The following CPNE8 variants were observed in gnomAD, a reference collection of about 807,000 sequenced individuals.
The protein encoded by CPNE8 is copine 8, also known as copine-8.
In CPNE8, 45 loss-of-function variants were observed where a neutral mutation model predicts 81.5. The ratio of observed to expected loss-of-function variants is 0.55; its 90% CI spans 0.44 to 0.71. CPNE8 has a LOEUF of 0.71. Ranked by LOEUF, CPNE8 falls within the 30% of genes least tolerant of loss-of-function variation. CPNE8 has a pLI of 0.00. For missense variants in CPNE8, 594 were observed against 672.1 expected, an observed-to-expected ratio of 0.88 and a Z score of 1.28; for synonymous variants, 252 against 226.3, an observed-to-expected ratio of 1.11 and a Z score of -1.02.
chr12:38,796,360 T>G (rs147453203), intron 6 of CPNE8, among the ~76,000 whole-genome samples: 1,881 of 152,100 alleles, frequency 0.012, 13 homozygotes, highest in Non-Finnish European at 0.018. Context: ...TATAAAATAA[T>G]GCAAATTTAG....
chr12:38,658,729 A>T (rs1938883432), intron 19 of CPNE8, among the ~76,000 whole-genome samples: 1 of 152,186 alleles, frequency 6.6e-6, no homozygotes, highest in Non-Finnish European at 1.5e-5. Context: ...GCCAGAAGAG[A>T]GTGGGGACCA....
intron 6 of CPNE8, among the ~76,000 whole-genome samples, chr12:38,816,179 G>C (rs1294242814): frequency 3.3e-5 from 5 of 152,096 alleles, no homozygotes; most frequent in Admixed American, 2.6e-4. Context: ...TGGGAAACAA[G>C]TGCAAAGTTA....
chr12:38,862,367 G>A (rs916070114), intron 3 of CPNE8, among the ~76,000 whole-genome samples: 13 of 152,032 alleles, frequency 8.6e-5, no homozygotes, highest in Admixed American at 8.5e-4. Flanking sequence ...TTATGGAGAA[G>A]CATGTCTTTT....
chr12:38,796,840 C>A (rs1270653296), intron 6 of CPNE8, among the ~76,000 whole-genome samples: 2 of 152,140 alleles, frequency 1.3e-5, no homozygotes, highest in Non-Finnish European at 2.9e-5. Context: ...GTCACTCCCA[C>A]CCTAATACTG....
At chr12:38,814,479 G>A (rs1942991240) in intron 6 of CPNE8, among the ~76,000 whole-genome samples, 1 of 151,716 alleles carries the variant, frequency 6.6e-6, no homozygotes, top group Non-Finnish European at 1.5e-5. Context: ...ACAATGCCCA[G>A]CTAATCTTTT....
Position 38,685,594 on chromosome 12 carries a change from G to T in CPNE8, c.1167C>A (p.Tyr389Ter). ...CCATGACCCCCTCAATGCCATCACA[G>T]TAGGGGTTTTGAGGATTCCCATTCT... is the stretch of plus-strand genomic sequence containing the variant. The part of the protein sequence containing the change: ...FALNGNPQNP[Y>*]CDGIEGVMEA... Residue 389 changes from tyrosine (Y) to a stop codon, truncating the protein, a stop_gained, in exon 16 of 20, where the codon TAC (tyrosine) becomes TAA (stop). Transcript: ENST00000331366. LOFTEE classifies it high-confidence loss of function. 6.2e-7 allele frequency: 1 copy of T among 1,613,380 alleles called. No individual in the cohort carries two copies. The highest frequency in any genetic ancestry group is 8.5e-7 in the Non-Finnish European group (1 of 1,179,548).
chr12:38,794,617 T>A (rs755648846), intron 6 of CPNE8, among the ~76,000 whole-genome samples: 4 of 150,022 alleles, frequency 2.7e-5, no homozygotes, highest in African/African-American at 4.9e-5. Flanking sequence ...CTCATAGCCA[T>A]GAGGATAACT....
chr12:38,793,428 T>C (rs1252637907), intron 6 of CPNE8, among the ~76,000 whole-genome samples: 1 of 151,872 alleles, frequency 6.6e-6, no homozygotes, highest in African/African-American at 2.4e-5. Flanking sequence ...TGTTTTTATA[T>C]ACTAACAATA....
chr12:38,783,971 C>G (rs1942112581), intron 6 of CPNE8, among the ~76,000 whole-genome samples: 1 of 152,140 alleles, frequency 6.6e-6, no homozygotes, highest in Non-Finnish European at 1.5e-5. Flanking sequence ...CAATGAACAT[C>G]TACAAGTATC....
At position 38,802,155 on chromosome 12, in the gene CPNE8, G is replaced by C. The variant is rs1332721459; in HGVS notation, c.408-25854C>G. 1.7e-4 allele frequency among the ~76,000 whole-genome samples: 5 copies of C among 28,804 alleles called. 2 individuals are homozygous for C. Among genetic ancestry groups the C allele is most frequent in the African/African-American group, 2.8e-4 (5 of 17,760 alleles). 18.9% of individuals were successfully genotyped at this position (28,804 alleles called of 152,430 possible). A position where few individuals can be genotyped will look rare whatever the true frequency, so the allele number is the denominator to read the frequency against. On this transcript the variant is annotated intron_variant, in intron 6 of 19. Coordinates refer to ENST00000331366, the MANE Select transcript of CPNE8 (RefSeq NM_153634.3). ...ATTGAACTCAGCTCTGCACCAAGCAGACCTAATAGACATCTACAGAACTCT... is the reference window on the plus strand; with the variant it reads ...ATTGAACTCAGCTCTGCACCAAGCACACCTAATAGACATCTACAGAACTCT...
chr12:38,799,797 C>T (rs28840811), intron 6 of CPNE8, among the ~76,000 whole-genome samples: 22,245 of 122,910 alleles, frequency 0.18, 2,704 homozygotes, highest in Non-Finnish European at 0.29. Flanking sequence ...CCAGTGTGTG[C>T]GCGCACCGTG....
At chr12:38,780,884 G>A (rs1264634173) in intron 6 of CPNE8, among the ~76,000 whole-genome samples, 1 of 151,932 alleles carries the variant, frequency 6.6e-6, no homozygotes, top group African/African-American at 2.4e-5. Context: ...AATGATCACA[G>A]ATGGGAGATC....
intron 7 of CPNE8, among the ~76,000 whole-genome samples, chr12:38,771,509 C>A (rs1013380854): frequency 5.3e-5 from 8 of 151,990 alleles, no homozygotes. Flanking sequence ...AACATAATTT[C>A]TAAACTACAT....
chr12:38,829,807 A>C (rs1466998788), intron 5 of CPNE8, among the ~76,000 whole-genome samples: 3 of 152,188 alleles, frequency 2.0e-5, no homozygotes, highest in Non-Finnish European at 4.4e-5. Flanking sequence ...TTGGCTGAGG[A>C]GACAAAATGA....
intron 5 of CPNE8, among the ~76,000 whole-genome samples, chr12:38,835,696 A>G (rs1329666272): frequency 6.6e-6 from 1 of 152,216 alleles, no homozygotes; most frequent in African/African-American, 2.4e-5. Flanking sequence ...ATCTGTTTCT[A>G]TGAGAAAATC....
chr12:38,802,916 A>C (rs1486809571), intron 6 of CPNE8, among the ~76,000 whole-genome samples: 1 of 149,746 alleles, frequency 6.7e-6, no homozygotes, highest in Admixed American at 6.7e-5. Flanking sequence ...GAAGAAATAG[A>C]TACATTCCTC....
intron 13 of CPNE8, among the ~76,000 whole-genome samples, chr12:38,722,300 TTTA>T (rs1397199479): frequency 6.6e-6 from 1 of 152,222 alleles, no homozygotes; most frequent in Non-Finnish European, 1.5e-5. Flanking sequence ...GTACTTTAAC[TTTA>T]TTGAAACAAC....
intron 13 of CPNE8, among the ~76,000 whole-genome samples, chr12:38,718,801 G>A (rs974373570): frequency 9.9e-5 from 15 of 152,022 alleles, no homozygotes; most frequent in African/African-American, 3.4e-4. Context: ...AATAAAAAAT[G>A]TATGTCACTA....
At chr12:38,898,354 G>A (rs758202030) in intron 1 of CPNE8, among the ~76,000 whole-genome samples, 4 of 151,966 alleles carry the variant, frequency 2.6e-5, no homozygotes, top group African/African-American at 4.8e-5. Context: ...AGACTTCAAC[G>A]CCACAGTTCA....
Sources: allele counts gnomAD v4.1 joint callset (sites outside exome capture counted in the v4.1 genomes callset), GRCh38; gene constraint gnomAD v4.1.1; transcripts MANE v1.5; gene names NCBI Gene and HGNC (gene_info 2026-07-23, HGNC 2026-07-21).